SOX5: variants seen among roughly 807,000 people sequenced by gnomAD.
The protein encoded by SOX5 is transcription factor SOX-5.
Under a neutral mutation model 92.0 loss-of-function variants are expected in SOX5, and 9 were observed. That is an observed-to-expected ratio of 0.10 (90% CI 0.06 to 0.17). The LOEUF is 0.17. Among genes scored for constraint, SOX5 ranks in the 10% least tolerant of loss-of-function variants. The probability of loss-of-function intolerance (pLI) is 1.00; values close to 1 mark genes in which losing one functional copy is unlikely to be tolerated. For missense variants in SOX5, 642 were observed against 944.5 expected (o/e 0.68, Z 4.20); for synonymous variants, 344 against 336.3 (o/e 1.02, Z -0.25).
At chr12:24,313,242 C>G (rs1949366835) in intron 2 of SOX5, among the ~76,000 whole-genome samples, 1 of 152,134 alleles carries the variant, frequency 6.6e-6, no homozygotes, top group Admixed American at 6.5e-5. Flanking sequence ...TTCTTCAAAG[C>G]AGAAGTTGCT....
intron 3 of SOX5, among the ~76,000 whole-genome samples, chr12:23,796,421 T>C (rs2095561814): frequency 2.6e-5 from 4 of 152,078 alleles, no homozygotes; most frequent in South Asian, 4.1e-4. Context: ...ATTTCATAAG[T>C]TAACAGCAGT....
chr12:24,034,446 G>C (rs1380262505), intron 4 of SOX5, among the ~76,000 whole-genome samples: 1 of 151,158 alleles, frequency 6.6e-6, no homozygotes, highest in African/African-American at 2.4e-5. Flanking sequence ...CTGCCGTGCA[G>C]CTTTCCTGGG....
intron 4 of SOX5, among the ~76,000 whole-genome samples, chr12:24,021,868 G>A (rs937109970): frequency 5.9e-5 from 9 of 152,126 alleles, no homozygotes; most frequent in African/African-American, 1.9e-4. Flanking sequence ...TGTACTCTAC[G>A]TTTAGTCATT....
At chr12:24,394,982 T>C (rs1018414440) in intron 1 of SOX5, among the ~76,000 whole-genome samples, 12 of 152,200 alleles carry the variant, frequency 7.9e-5, no homozygotes, top group African/African-American at 2.9e-4. Flanking sequence ...AACACAAAGC[T>C]TGATGATCTC....
At chr12:23,668,715 AG>A (rs2084259274) in intron 6 of SOX5, among the ~76,000 whole-genome samples, 1 of 152,274 alleles carries the variant, frequency 6.6e-6, no homozygotes, top group South Asian at 2.1e-4. Flanking sequence ...AATTTTTAAA[AG>A]CTAGGGGGCA....
chr12:23,542,059 G>A (rs552886684), intron 13 of SOX5, among the ~76,000 whole-genome samples: 5 of 151,862 alleles, frequency 3.3e-5, no homozygotes, highest in African/African-American at 7.2e-5. Context: ...GCAGTGAGCC[G>A]AGATCACACC....
intron 1 of SOX5, among the ~76,000 whole-genome samples, chr12:24,562,142 T>C (rs1235678907): frequency 6.6e-6 from 1 of 151,854 alleles, no homozygotes; most frequent in Admixed American, 6.5e-5. Context: ...CCCAGCCCAG[T>C]CCCCCTCCCT....
chr12:24,390,598 T>C lies in SOX5; in HGVS notation c.-250-21959A>G, dbSNP rs563573685. On this transcript the variant is annotated intron_variant, in intron 1 of 4. Transcript: ENST00000446891. ...ACCCCGCACCCTTCCAAGTTTCTAA[T>C]GTCTATTATTCCCCTCTCTATGTCC... 4.6e-5 allele frequency among the ~76,000 whole-genome samples: 7 copies of C among 152,296 alleles called. No individual in the cohort carries two copies. In the South Asian group the frequency reaches 1.4e-3, roughly 32 times the overall value.
At chr12:23,945,819 T>G (rs1034286838) in intron 1 of SOX5, among the ~76,000 whole-genome samples, 27 of 152,250 alleles carry the variant, frequency 1.8e-4, no homozygotes, top group African/African-American at 6.5e-4. Context: ...TTATCACTCA[T>G]GAGCACAACG....
intron 3 of SOX5, among the ~76,000 whole-genome samples, chr12:23,833,776 G>A (rs1249856866): frequency 6.6e-6 from 1 of 151,866 alleles, no homozygotes; most frequent in Non-Finnish European, 1.5e-5. Flanking sequence ...TCAGAAGATT[G>A]GAGAAGATGG....
chr12:23,573,177 C>G (rs982946830), intron 10 of SOX5, among the ~76,000 whole-genome samples: 4 of 152,236 alleles, frequency 2.6e-5, no homozygotes, highest in Admixed American at 2.6e-4. Context: ...TCCTCTCCCC[C>G]CTTGAAGAGT....
At chr12:23,861,096 A>G (rs1370778651) in intron 2 of SOX5, among the ~76,000 whole-genome samples, 3 of 152,094 alleles carry the variant, frequency 2.0e-5, no homozygotes, top group Admixed American at 6.6e-5. Context: ...TAGTTACTCC[A>G]GGAAGACTAA....
At chr12:24,205,268 C>A (rs1957909940) in intron 4 of SOX5, among the ~76,000 whole-genome samples, 1 of 152,166 alleles carries the variant, frequency 6.6e-6, no homozygotes, top group Non-Finnish European at 1.5e-5. Context: ...ATCCCAACTC[C>A]TAGCACAATG....
At chr12:23,573,105 CTT>C in intron 10 of SOX5, among the ~76,000 whole-genome samples, 1 of 152,240 alleles carries the variant, frequency 6.6e-6, no homozygotes, top group Middle Eastern at 3.4e-3. Context: ...CTTCCCATCA[CTT>C]TTCATATCTA....
intron 2 of SOX5, among the ~76,000 whole-genome samples, chr12:23,857,795 C>T (rs1048069945): frequency 1.7e-4 from 26 of 150,892 alleles, no homozygotes; most frequent in Non-Finnish European, 2.4e-4. Context: ...TGCAGTGGCA[C>T]GATCTTGGCT....
At chr12:24,453,783 G>C (rs1186855240) in intron 1 of SOX5, among the ~76,000 whole-genome samples, 1 of 152,154 alleles carries the variant, frequency 6.6e-6, no homozygotes, top group Non-Finnish European at 1.5e-5. Flanking sequence ...GACAAAACAA[G>C]AGCCAATTTT....
At chr12:23,679,542 T>G (rs1361175161) in intron 6 of SOX5, among the ~76,000 whole-genome samples, 1 of 152,166 alleles carries the variant, frequency 6.6e-6, no homozygotes, top group Non-Finnish European at 1.5e-5. Flanking sequence ...AATAAAATGC[T>G]AATAAAAATA....
At chr12:23,721,313 G>A (rs1002613017) in intron 6 of SOX5, among the ~76,000 whole-genome samples, 15 of 151,852 alleles carry the variant, frequency 9.9e-5, no homozygotes, top group African/African-American at 1.5e-4. Context: ...TCGAACTCCC[G>A]ACCTTAGGTG....
At chr12:24,037,013 T>G (rs1483840103) in intron 4 of SOX5, among the ~76,000 whole-genome samples, 1 of 152,142 alleles carries the variant, frequency 6.6e-6, no homozygotes, top group African/African-American at 2.4e-5. Flanking sequence ...CACTCTCTTG[T>G]GAATTACTAT....
Sources: gnomAD v4.1 joint callset for allele counts (sites outside exome capture counted in the v4.1 genomes callset) on GRCh38, gnomAD v4.1.1 for gene constraint, MANE v1.5 for transcripts, NCBI Gene and HGNC (gene_info 2026-07-23, HGNC 2026-07-21) for gene names.